RANBP2: variants seen among roughly 807,000 people sequenced by gnomAD.
The protein encoded by RANBP2 is E3 SUMO-protein ligase RanBP2.
A neutral mutation model predicts 303.6 loss-of-function variants in RANBP2; 57 were observed. The ratio of observed to expected loss-of-function variants is 0.19; its 90% confidence interval spans 0.15 to 0.23. The LOEUF (loss-of-function observed/expected upper bound fraction) is 0.23. RANBP2 is among the 10% of genes least tolerant of loss of function. The probability of loss-of-function intolerance (pLI) is 1.00; values close to 1 mark genes in which losing one functional copy is unlikely to be tolerated. For synonymous variants in RANBP2, 1,167 were observed against 1,301.5 expected, an observed-to-expected ratio of 0.90 and a Z score of 2.23; for missense variants, 3,138 against 3,780.8, an observed-to-expected ratio of 0.83 and a Z score of 4.46.
the RANBP2 span, among the ~76,000 whole-genome samples, chr2:108,909,236 C>A: frequency 2.0e-5 from 3 of 152,118 alleles, 1 homozygote; most frequent in African/African-American, 7.2e-5. Context: ...ATAAGAAAAG[C>A]CTGAATATCA....
chr2:109,292,372 G>A, the RANBP2 span, among the ~76,000 whole-genome samples: 1 of 152,148 alleles, frequency 6.6e-6, no homozygotes, highest in East Asian at 1.9e-4. Flanking sequence ...ATATAAACAT[G>A]AAGTTTTGTA....
the RANBP2 span, among the ~76,000 whole-genome samples, chr2:109,105,893 G>A: frequency 5.8e-5 from 8 of 137,592 alleles, no homozygotes; most frequent in East Asian, 8.6e-4. Context: ...ACGCTCTGTC[G>A]CCCAGGCTGG....
chr2:109,247,348 C>T, the RANBP2 span, among the ~76,000 whole-genome samples: 1 of 152,174 alleles, frequency 6.6e-6, no homozygotes. Flanking sequence ...CCCTGAACTT[C>T]GTTAGTTTCT....
the RANBP2 span, among the ~76,000 whole-genome samples, chr2:109,166,813 A>G: frequency 6.6e-6 from 1 of 152,224 alleles, no homozygotes; most frequent in Non-Finnish European, 1.5e-5. Flanking sequence ...GTACAAAACT[A>G]TACTTAAGTA....
At chr2:109,670,245 T>C in the RANBP2 span, among the ~76,000 whole-genome samples, 1 of 150,106 alleles carries the variant, frequency 6.7e-6, no homozygotes, top group African/African-American at 2.5e-5. Flanking sequence ...CAAAAACCTC[T>C]AGGCCTATGC....
the RANBP2 span, among the ~76,000 whole-genome samples, chr2:108,995,229 C>A: frequency 1.3e-5 from 2 of 152,086 alleles, no homozygotes; most frequent in Non-Finnish European, 1.5e-5. Flanking sequence ...AGTGAGACTG[C>A]GGCTCACTGC....
chr2:109,241,946 T>C, the RANBP2 span, among the ~76,000 whole-genome samples: 6 of 151,816 alleles, frequency 4.0e-5, no homozygotes, highest in Non-Finnish European at 5.9e-5. Context: ...GACACGATGT[T>C]CCCCAGAGTG....
the RANBP2 span, among the ~76,000 whole-genome samples, chr2:108,905,406 T>C: frequency 6.6e-6 from 1 of 152,126 alleles, no homozygotes; most frequent in Non-Finnish European, 1.5e-5. Context: ...GATGCCACAT[T>C]TCAGCGGCAG....
At chr2:108,838,584 A>G in the RANBP2 span, among the ~76,000 whole-genome samples, 1 of 152,160 alleles carries the variant, frequency 6.6e-6, no homozygotes, top group Non-Finnish European at 1.5e-5. Context: ...TCCTGAAATC[A>G]TTTAGCAAAA....
the RANBP2 span, among the ~76,000 whole-genome samples, chr2:108,905,733 C>T: frequency 1.3e-5 from 2 of 152,264 alleles, no homozygotes; most frequent in East Asian, 1.9e-4. Flanking sequence ...TTTGCAGGAA[C>T]TGGAAGCTGA....
the RANBP2 span, among the ~76,000 whole-genome samples, chr2:108,958,750 G>T: frequency 6.6e-6 from 1 of 152,180 alleles, no homozygotes; most frequent in Non-Finnish European, 1.5e-5. Context: ...AAGCTCAAGC[G>T]CAAGGCTTCT....
At chr2:109,390,331 CCTT>C in the RANBP2 span, among the ~76,000 whole-genome samples, 5 of 152,198 alleles carry the variant, frequency 3.3e-5, no homozygotes, top group African/African-American at 7.2e-5. Context: ...AATCAGCGGT[CCTT>C]CTGCTCACAG....
chr2:109,222,266 C>T, the RANBP2 span, among the ~76,000 whole-genome samples: 2 of 152,244 alleles, frequency 1.3e-5, no homozygotes, highest in Non-Finnish European at 2.9e-5. Flanking sequence ...GGAATGAATT[C>T]TCGTGTTTGA....
the RANBP2 span, among the ~76,000 whole-genome samples, chr2:109,024,117 G>A: frequency 6.6e-6 from 1 of 152,076 alleles, no homozygotes; most frequent in African/African-American, 2.4e-5. Context: ...TAGAGACGGG[G>A]TTTCTCCATA....
At chr2:109,550,238 T>G in the RANBP2 span, among the ~76,000 whole-genome samples, 451 of 151,568 alleles carry the variant, frequency 3.0e-3, 2 homozygotes, top group South Asian at 0.022. Context: ...TGCGGTAAGC[T>G]GAGATTGCAC....
At chr2:108,839,807 A>G in the RANBP2 span, among the ~76,000 whole-genome samples, 1 of 151,994 alleles carries the variant, frequency 6.6e-6, no homozygotes, top group Non-Finnish European at 1.5e-5. Context: ...GTTATCTGCA[A>G]ATGAAAACAG....
chr2:109,713,661 CT>C, the RANBP2 span, among the ~76,000 whole-genome samples: 1 of 152,182 alleles, frequency 6.6e-6, no homozygotes, highest in Non-Finnish European at 1.5e-5. Context: ...GCTGGGGTCC[CT>C]GATCCTTGTG....
chr2:109,026,146 T>C, the RANBP2 span, among the ~76,000 whole-genome samples: 1 of 152,058 alleles, frequency 6.6e-6, no homozygotes, highest in Non-Finnish European at 1.5e-5. Context: ...AAAATTTTAA[T>C]TTTGTTTATT....
chr2:109,712,929 GC>G, the RANBP2 span, among the ~76,000 whole-genome samples: 1 of 152,176 alleles, frequency 6.6e-6, no homozygotes, highest in East Asian at 1.9e-4. Flanking sequence ...GTGAGAGTGG[GC>G]TCTGCTTCGC....
Sources: gnomAD v4.1 joint callset for allele counts (sites outside exome capture counted in the v4.1 genomes callset) on GRCh38, gnomAD v4.1.1 for gene constraint, MANE v1.5 for transcripts, NCBI Gene and HGNC (gene_info 2026-07-23, HGNC 2026-07-21) for gene names.